The following TBCE variants were observed in gnomAD, a reference collection of about 807,000 sequenced individuals.
TBCE encodes the protein tubulin folding cofactor E, also known as tubulin-specific chaperone E.
TBCE carries 53 observed loss-of-function variants against 77.0 expected under a neutral mutation model. That is an observed-to-expected ratio of 0.69 (90% CI 0.55 to 0.87). The LOEUF is 0.87. Ranked by LOEUF, TBCE falls within the 40% of genes least tolerant of loss-of-function variation. The probability of loss-of-function intolerance (pLI) is 0.00; values close to 1 mark genes in which losing one functional copy is unlikely to be tolerated. For synonymous variants in TBCE, 235 were observed against 241.3 expected (o/e 0.97, Z 0.24); for missense variants, 624 against 622.4 (o/e 1.00, Z -0.03).
chr1:235,434,654 A>G (rs1460177426), intron 8 of TBCE, among the ~76,000 whole-genome samples: 2 of 150,868 alleles, frequency 1.3e-5, no homozygotes, highest in Admixed American at 6.6e-5. Context: ...CTTCTGCCTC[A>G]GCCTCCCGAG....
intron 5 of TBCE, among the ~76,000 whole-genome samples, chr1:235,426,888 C>G (rs1220800456): frequency 6.6e-6 from 1 of 152,166 alleles, no homozygotes; most frequent in Non-Finnish European, 1.5e-5. Flanking sequence ...CAAGTGATTC[C>G]CCCGACCTTG....
chr1:235,412,604 A>G (rs1193050255), intron 3 of TBCE, among the ~76,000 whole-genome samples: 1 of 151,204 alleles, frequency 6.6e-6, no homozygotes, highest in East Asian at 2.0e-4. Flanking sequence ...GAGCTACCGC[A>G]CCCAGCCCAC....
intron 1 of TBCE, among the ~76,000 whole-genome samples, chr1:235,368,420 C>T (rs1676695318): frequency 2.2e-5 from 3 of 139,224 alleles, no homozygotes; most frequent in African/African-American, 2.9e-5. Context: ...TAGCCACGGC[C>T]GCTGTGTTTT....
Position 235,441,774 on chromosome 1 carries a change from C to A in TBCE, c.1271-40C>A, listed in dbSNP as rs200990578. ...TTTGTTTTGTTTTTACTTATAGTGG[C>A]CTTTGGTTTATCATTCATCTCTTTT... On this transcript the variant is annotated intron_variant, in intron 13 of 16. Coordinates refer to ENST00000642610, the MANE Select transcript of TBCE (RefSeq NM_003193.5). 261 of 1,571,284 alleles carry A rather than the reference C, an allele frequency of 1.7e-4. 1 individual carries two copies. In the African/African-American group the frequency reaches 3.3e-3, roughly 20 times the overall value.
intron 2 of TBCE, 31 bp from the exon 3 acceptor site, chr1:235,401,472 G>A: frequency 2.5e-6 from 4 of 1,582,926 alleles, no homozygotes; most frequent in Non-Finnish European, 2.6e-6. Flanking sequence ...ATCATCATCT[G>A]TTACTCATTT....
chr1:235,433,233 G>A, intron 7 of TBCE: 1 of 1,240,924 alleles, frequency 8.1e-7, no homozygotes, highest in Middle Eastern at 2.5e-4. Context: ...CAACTATTTG[G>A]TTTTTGAGAT....
At chr1:235,426,981 G>C (rs185763079) in intron 5 of TBCE, among the ~76,000 whole-genome samples, 159 bp from the exon 6 acceptor site, 1 of 152,116 alleles carries the variant, frequency 6.6e-6, no homozygotes, top group African/African-American at 2.4e-5. Context: ...GTGAAGTTTT[G>C]GATAACTTAA....
Position 235,410,795 on chromosome 1 carries a change from G to T in TBCE, c.186-3638G>T, listed in dbSNP as rs181822103. Among the ~76,000 whole-genome samples, 184 of 152,314 alleles carry T rather than the reference G, an allele frequency of 1.2e-3. 2 individuals carry two copies. The highest frequency in any genetic ancestry group is 4.1e-3 in the African/African-American group (169 of 41,572). On this transcript the variant is annotated intron_variant, in intron 3 of 16. Transcript: ENST00000642610. ...TGTAACTTCTTTATGCTGAACAGGG[G>T]TGATGATATTCCTGCCTAACTGTTG...
intron 16 of TBCE, 106 bp downstream of exon 16, chr1:235,448,546 G>A (rs1682637147): frequency 2.2e-6 from 3 of 1,392,912 alleles, no homozygotes. Flanking sequence ...GGAGACCATG[G>A]GTCTGTTTGT....
At chr1:235,441,724 C>A in intron 13 of TBCE, 90 bp from the exon 14 acceptor site, 1 of 1,226,584 alleles carries the variant, frequency 8.2e-7, no homozygotes, top group Non-Finnish European at 1.2e-6. Context: ...GCTCTCTGGA[C>A]GCTTACCTAT....
At chr1:235,420,098 G>C (rs1680316470) in intron 5 of TBCE, among the ~76,000 whole-genome samples, 1 of 152,050 alleles carries the variant, frequency 6.6e-6, no homozygotes, top group South Asian at 2.1e-4. Context: ...AAAAGAAAGG[G>C]GGCACACTTG....
chr1:235,395,209 GATTA>G lies in TBCE; in HGVS notation c.101-6290_101-6287del, dbSNP rs564591539. On this transcript the variant is annotated intron_variant, in intron 2 of 16. Transcript: ENST00000642610. ...AAGGAGGATGATTTCTGGATTGTTG[GATTA>G]ATTCTTTTAATTTTTGTGGGTACAT... 8.5e-4 allele frequency among the ~76,000 whole-genome samples: 129 copies of G among 152,156 alleles called. 1 individual carries two copies. The highest frequency in any genetic ancestry group is 3.0e-3 in the African/African-American group (126 of 41,510).
chr1:235,425,617 G>A lies in TBCE; in HGVS notation c.461-1523G>A, dbSNP rs188546463. 4.1e-3 allele frequency among the ~76,000 whole-genome samples: 621 copies of A among 152,258 alleles called. 5 individuals carry two copies. Among genetic ancestry groups the A allele is most frequent in the African/African-American group, 0.014 (588 of 41,546 alleles). ...GTTTCAAGCAAACTTTGAAAAGTCC[G>A]TTTCAAACAGACTTTGAAGTGGCCT... On this transcript the variant is annotated intron_variant, in intron 5 of 16. Coordinates refer to ENST00000642610, the MANE Select transcript of TBCE (RefSeq NM_003193.5).
At chr1:235,380,697 T>C (rs1279271752) in intron 2 of TBCE, among the ~76,000 whole-genome samples, 1 of 152,164 alleles carries the variant, frequency 6.6e-6, no homozygotes, top group Non-Finnish European at 1.5e-5. Context: ...GTTTAATTGT[T>C]CCCCATTTTT....
In TBCE at chr1:235,401,548, A is replaced by C. The variant is rs1456150302; in HGVS notation, c.146A>C (p.His49Pro). The C allele has an allele frequency of 3.7e-6, 6 of 1,613,902 alleles. No homozygotes were observed. The Admixed American group carries it at 6.7e-5, about 18-fold the overall frequency. The change falls in exon 3 of 17, where the codon CAT becomes CCT. Residue 49 changes from histidine (H) to proline (P), a missense_variant. Coordinates refer to ENST00000642610, the MANE Select transcript of TBCE (RefSeq NM_003193.5). ...VEWDNPERGK[H>P]DGSHEGTVYF... The stretch of plus-strand genomic sequence containing the variant: ...TGGGACAATCCCGAGAGAGGAAAGC[A>C]TGATGGGAGCCACGAAGGGACTGTG...
At chr1:235,435,095 G>GT (rs1307000026) in intron 8 of TBCE, among the ~76,000 whole-genome samples, 24 of 148,446 alleles carry the variant, frequency 1.6e-4, no homozygotes, top group African/African-American at 5.9e-4. Context: ...GCAAATGCAG[G>GT]TTTTTTGTTT....
intron 9 of TBCE, chr1:235,436,113 C>T (rs147544042): frequency 2.7e-4 from 164 of 600,266 alleles, no homozygotes; most frequent in African/African-American, 2.6e-3. Flanking sequence ...CATTAAACTC[C>T]GGGCAGTAGA....
intron 4 of TBCE, 187 bp downstream of exon 4, chr1:235,414,805 A>G (rs1680021327): frequency 4.8e-6 from 3 of 623,780 alleles, no homozygotes; most frequent in Admixed American, 2.7e-5. Context: ...TTATGTTAGC[A>G]CAGGATTGGT....
intron 13 of TBCE, among the ~76,000 whole-genome samples, chr1:235,440,146 A>G (rs913980306): frequency 5.9e-5 from 9 of 151,772 alleles, no homozygotes; most frequent in Non-Finnish European, 1.3e-4. Flanking sequence ...AATTTTTTGT[A>G]TTTTTAGTAG....
Sources: allele counts gnomAD v4.1 joint callset (sites outside exome capture counted in the v4.1 genomes callset), GRCh38; gene constraint gnomAD v4.1.1; transcripts MANE v1.5; gene names NCBI Gene and HGNC (gene_info 2026-07-23, HGNC 2026-07-21).